CCDC33: variants seen among roughly 807,000 people sequenced by gnomAD.
CCDC33 encodes the protein coiled-coil domain-containing protein 33.
CCDC33 carries 94 observed loss-of-function variants against 91.9 expected under a neutral mutation model. The ratio of observed to expected loss-of-function variants is 1.02; its 90% confidence interval spans 0.87 to 1.21. The LOEUF (loss-of-function observed/expected upper bound fraction) is 1.21, where lower values mean the gene tolerates loss of function less well. Ranked by LOEUF, CCDC33 falls within the 50% of genes most tolerant of loss-of-function variation. The probability of loss-of-function intolerance (pLI) is 0.00; values close to 1 mark genes in which losing one functional copy is unlikely to be tolerated. For synonymous variants in CCDC33, 396 were observed against 374.5 expected, an observed-to-expected ratio of 1.06 and a Z score of -0.66; for missense variants, 940 against 935.5, an observed-to-expected ratio of 1.00 and a Z score of -0.06.
intron 1 of CCDC33, among the ~76,000 whole-genome samples, chr15:74,203,457 A>G (rs1355326824): frequency 6.6e-6 from 1 of 152,212 alleles, no homozygotes; most frequent in African/African-American, 2.4e-5. Context: ...AGGCAGAAGA[A>G]GGTAGAAAGC....
Position 74,243,978 on chromosome 15 carries a change from C to G in CCDC33, c.22-7C>G. ...AAAAAAACACTCAGCCCTGGCTCTC[C>G]CCACAGAACACTGAAGACCCAGAGG... On this transcript the variant is annotated splice_polypyrimidine_tract_variant and splice_region_variant and intron_variant, in intron 1 of 18. Transcript: ENST00000398814. The G allele has an allele frequency of 1.2e-6, 2 of 1,602,384 alleles. No homozygotes were observed. The highest frequency in any genetic ancestry group is 1.7e-6 in the Non-Finnish European group (2 of 1,176,116).
intron 2 of CCDC33, among the ~76,000 whole-genome samples, chr15:74,228,130 G>C (rs1013084596): frequency 1.3e-5 from 2 of 152,214 alleles, no homozygotes; most frequent in African/African-American, 4.8e-5. Flanking sequence ...GAGCACCACA[G>C]GGAGAGCACT....
At chr15:74,221,137 C>G in intron 2 of CCDC33, 1 of 901,836 alleles carries the variant, frequency 1.1e-6, no homozygotes, top group African/African-American at 1.8e-5. Context: ...TCAGGCATTT[C>G]AACAATTGAA....
chr15:74,330,037 C>T, intron 11 of CCDC33, 152 bp from the exon 12 acceptor site: 1 of 783,494 alleles, frequency 1.3e-6, no homozygotes, highest in Non-Finnish European at 2.0e-6. Flanking sequence ...AACCACCCTT[C>T]CAGGGAGCTG....
intron 11 of CCDC33, among the ~76,000 whole-genome samples, chr15:74,314,243 C>A (rs560074116): frequency 4.6e-5 from 7 of 152,330 alleles, no homozygotes; most frequent in African/African-American, 1.7e-4. Context: ...GCTCTCACAT[C>A]GACTAGAATA....
intron 2 of CCDC33, among the ~76,000 whole-genome samples, chr15:74,248,355 A>AT (rs1472396388): frequency 1.7e-4 from 26 of 151,668 alleles, no homozygotes; most frequent in Non-Finnish European, 3.5e-4. Context: ...CTTTCCAAGC[A>AT]TTTTTTCTCA....
intron 4 of CCDC33, 49 bp from the exon 5 acceptor site, chr15:74,268,293 C>A: frequency 7.3e-7 from 1 of 1,369,364 alleles, no homozygotes; most frequent in Non-Finnish European, 1.0e-6. Context: ...GGATCTGCCC[C>A]TTAGACACTC....
intron 2 of CCDC33, chr15:74,209,787 T>A (rs1377853511): frequency 4.0e-6 from 1 of 250,660 alleles, no homozygotes; most frequent in Non-Finnish European, 7.5e-6. Flanking sequence ...GAAATGGTGC[T>A]CAGAGGGTGC....
At chr15:74,335,179 C>G in intron 18 of CCDC33, 91 bp downstream of exon 18, 1 of 1,029,890 alleles carries the variant, frequency 9.7e-7, no homozygotes. Context: ...CTGAGAAAAG[C>G]CATTGTGGAG....
Position 74,207,705 on chromosome 15 carries a change from C to T in CCDC33, n.90-1683C>T, listed in dbSNP as rs111590037. 169 of 1,535,750 alleles carry T rather than the reference C, an allele frequency of 1.1e-4. 1 individual carries two copies. In the African/African-American group the frequency reaches 1.8e-3, roughly 16 times the overall value. Reference sequence around the variant, plus strand: ...ATGGCCACTGTGCCCACCTGTGCAGCCCAGTCCCCTTGAGAGTCCATGAAT... The same window carrying T: ...ATGGCCACTGTGCCCACCTGTGCAGTCCAGTCCCCTTGAGAGTCCATGAAT... On this transcript the variant is annotated intron_variant and non_coding_transcript_variant, in intron 1 of 3. Coordinates refer to the CCDC33 transcript ENST00000558645.
chr15:74,325,614 A>G (rs2959006), intron 11 of CCDC33, among the ~76,000 whole-genome samples: 84,433 of 151,864 alleles, frequency 0.56, 24,696 homozygotes, highest in Non-Finnish European at 0.66. Context: ...GCAACTGCTG[A>G]TGACTGTGCT....
At chr15:74,321,653 G>A (rs1340041048) in intron 11 of CCDC33, among the ~76,000 whole-genome samples, 2 of 151,988 alleles carry the variant, frequency 1.3e-5, no homozygotes, top group Admixed American at 6.6e-5. Flanking sequence ...CGCCCCCCTC[G>A]GCTCCCAAAG....
intron 11 of CCDC33, among the ~76,000 whole-genome samples, chr15:74,323,399 G>C (rs984074886): frequency 6.6e-6 from 1 of 151,718 alleles, no homozygotes; most frequent in African/African-American, 2.4e-5. Context: ...CACCACCCAG[G>C]TCAGGAAACA....
In CCDC33 at chr15:74,331,208, C is replaced by A; in HGVS notation, c.1683C>A (p.Ile561=). Residue 561 remains isoleucine, a synonymous_variant, in exon 15 of 19, where the codon ATC becomes ATA. Transcript: ENST00000398814. ...EETVRHQEKV[I]EKMERVLEDR... ...GCCTCTGCTCTGCTCTCCAGGTGATCGAGAAGATGGAGCGGGTGCTGGAGG... is the reference window on the plus strand; with the variant it reads ...GCCTCTGCTCTGCTCTCCAGGTGATAGAGAAGATGGAGCGGGTGCTGGAGG... 6.2e-7 allele frequency: 1 copy of A among 1,614,116 alleles called. No homozygotes were observed. The highest frequency in any genetic ancestry group is 8.5e-7 in the Non-Finnish European group (1 of 1,180,006).
intron 2 of CCDC33, among the ~76,000 whole-genome samples, chr15:74,211,152 C>G (rs960789267): frequency 4.4e-5 from 1 of 22,530 alleles, no homozygotes; most frequent in Non-Finnish European, 1.5e-4. Flanking sequence ...CGCACGCACA[C>G]GCACACACAC....
In CCDC33 at chr15:74,206,156, A is replaced by G. The variant is rs537105868; in HGVS notation, n.89+3058A>G. On this transcript the variant is annotated intron_variant and non_coding_transcript_variant, in intron 1 of 3. Transcript: ENST00000558645. ...TGCACACCAGTAACCAGTTGTAACA[A>G]GAAGGTCACAGAGAGTGGTTGTGAC... Among the ~76,000 whole-genome samples, 111 of 152,326 alleles carry G rather than the reference A, an allele frequency of 7.3e-4. 1 individual carries two copies. Among genetic ancestry groups the G allele is most frequent in the African/African-American group, 2.6e-3 (107 of 41,584 alleles).
chr15:74,263,734 G>A (rs2076090627), intron 3 of CCDC33, among the ~76,000 whole-genome samples: 1 of 152,196 alleles, frequency 6.6e-6, no homozygotes, highest in Non-Finnish European at 1.5e-5. Context: ...TGAATGTGGT[G>A]TGTGCTGTGT....
At chr15:74,291,262 G>C (rs2059579291) in intron 10 of CCDC33, among the ~76,000 whole-genome samples, 1 of 152,252 alleles carries the variant, frequency 6.6e-6, no homozygotes, top group Admixed American at 6.5e-5. Flanking sequence ...TACAGCTGAA[G>C]AGATAAGAAC....
chr15:74,204,660 T>C (rs538275348), intron 1 of CCDC33, among the ~76,000 whole-genome samples: 60 of 152,324 alleles, frequency 3.9e-4, no homozygotes, highest in South Asian at 2.1e-3. Context: ...TGGCCAGGTG[T>C]GGTGGCTTAC....
Sources: gnomAD v4.1 joint callset for allele counts (sites outside exome capture counted in the v4.1 genomes callset) on GRCh38, gnomAD v4.1.1 for gene constraint, MANE v1.5 for transcripts, NCBI Gene and HGNC (gene_info 2026-07-23, HGNC 2026-07-21) for gene names.